A4GALT: variants seen among roughly 807,000 people sequenced by gnomAD.
The protein encoded by A4GALT is lactosylceramide 4-alpha-galactosyltransferase.
For synonymous variants in A4GALT, 257 were observed against 220.7 expected, an observed-to-expected ratio of 1.16 and a Z score of -1.46; for missense variants, 512 against 486.0, an observed-to-expected ratio of 1.05 and a Z score of -0.50.
At chr22:42,709,067 A>ATATATATATATATATATTTTTTT (rs1180529043) in intron 1 of A4GALT, among the ~76,000 whole-genome samples, 5 of 128,830 alleles carry the variant, frequency 3.9e-5, no homozygotes, top group Non-Finnish European at 6.7e-5. Context: ...ATATATATAT[A>ATATATATATATATATATTTTTTT]TTTTTTTTAA....
chr22:42,720,874 T>C (rs1426863996), upstream of A4GALT: 5 of 143,834 alleles, frequency 3.5e-5, no homozygotes, highest in Non-Finnish European at 1.5e-5. Context: ...GGGCAGTGCC[T>C]GGGGCCCGGC....
chr22:42,693,733 G>A lies in A4GALT; in HGVS notation c.219C>T (p.Gly73=). 6.2e-7 allele frequency: 1 copy of A among 1,600,050 alleles called. No homozygotes were observed. Among genetic ancestry groups the A allele is most frequent in the Non-Finnish European group, 8.5e-7 (1 of 1,174,638 alleles). Residue 73 remains glycine (G), a synonymous_variant, in exon 3 of 3, where the codon GGC becomes GGT. Transcript: ENST00000642412. ...GGAAGAAGATGTTGCCTGGAGTGGG[G>A]CCGTGGGAGGGTGGGGTGGGGGGTG... ...TLTPPTPPSH[G]PTPGNIFFLE... is the part of the protein sequence containing the mutation.
At chr22:42,703,252 TG>T (rs1398851909) in intron 1 of A4GALT, among the ~76,000 whole-genome samples, 3 of 115,252 alleles carry the variant, frequency 2.6e-5, no homozygotes, top group Non-Finnish European at 5.4e-5. Context: ...GTTGTTTGTT[TG>T]TTTTTGTTTT....
intron 1 of A4GALT, among the ~76,000 whole-genome samples, chr22:42,700,887 T>C (rs772085678): frequency 6.6e-6 from 1 of 152,188 alleles, no homozygotes; most frequent in Non-Finnish European, 1.5e-5. Flanking sequence ...AAGTCTCTGA[T>C]GGGGCTGGAA....
At position 42,693,016 on chromosome 22, in the gene A4GALT, A is replaced by G. The variant is rs148931002; in HGVS notation, c.936T>C (p.Tyr312=). Residue 312 remains tyrosine, a synonymous_variant, in exon 3 of 3, where the codon TAT becomes TAC. Coordinates refer to ENST00000642412, the MANE Select transcript of A4GALT (RefSeq NM_017436.7). ...EELPRLLSAT[Y]AVHVWNKKSQ... ...TCTTCTTGTTCCACACGTGGACAGC[A>G]TAGGTGGCACTGAGCAGCCGCGGCA... is the stretch of plus-strand genomic sequence containing the variant. The G allele has an allele frequency of 4.5e-5, 72 of 1,613,576 alleles. No homozygotes were observed. Among genetic ancestry groups the G allele is most frequent in the Admixed American group, 4.0e-4 (24 of 60,002 alleles).
rs890474466 is a variant in A4GALT at position 42,698,745 on chromosome 22, G to A, written c.-187-3114C>T. Among the ~76,000 whole-genome samples the A allele has an allele frequency of 3.3e-5, 5 of 152,160 alleles. No homozygotes were observed. In the East Asian group the frequency reaches 7.7e-4, roughly 23 times the overall value. On this transcript the variant is annotated intron_variant, in intron 1 of 2. Coordinates refer to ENST00000642412, the MANE Select transcript of A4GALT (RefSeq NM_017436.7). ...CACCTACTGGGCTGCATTCCCAGAC[G>A]GGTAAGGCATTCTAAGTCACAGGGT...
chr22:42,715,170 T>TCACA (rs1922060826), intron 1 of A4GALT, among the ~76,000 whole-genome samples: 1 of 152,062 alleles, frequency 6.6e-6, no homozygotes, highest in South Asian at 2.1e-4. Context: ...GTGACTTACG[T>TCACA]CTTAGAGATC....
rs544889801 is a variant in A4GALT at position 42,693,163 on chromosome 22, G to A, written c.789C>T (p.Ser263=). The change falls in exon 3 of 3, where the codon TCC becomes TCT. Residue 263 remains serine (S), a synonymous_variant. Coordinates refer to ENST00000642412, the MANE Select transcript of A4GALT (RefSeq NM_017436.7). The part of the protein sequence containing the change: ...LLTRVFKKWC[S]IRSLAESRAC... ...CGCGGCTCTCGGCCAGGCTGCGGATGGAACACCACTTCTTGAAGACCCGCG... is the reference window on the plus strand; with the variant it reads ...CGCGGCTCTCGGCCAGGCTGCGGATAGAACACCACTTCTTGAAGACCCGCG... The A allele has an allele frequency of 1.3e-6, 2 of 1,597,724 alleles. No individual in the cohort carries two copies. Among genetic ancestry groups the A allele is most frequent in the African/African-American group, 2.7e-5 (2 of 74,680 alleles).
intron 1 of A4GALT, among the ~76,000 whole-genome samples, chr22:42,703,106 C>CTGCGTGTGTGTGTGTGTGTGTGTG (rs1920935384): frequency 7.5e-6 from 1 of 134,036 alleles, no homozygotes; most frequent in African/African-American, 3.2e-5. Context: ...TGCTGCCCCA[C>CTGCGTGTGTGTGTGTGTGTGTGTG]TGTGTGTGTG....
chr22:42,711,958 T>C (rs1921735636), intron 1 of A4GALT, among the ~76,000 whole-genome samples: 1 of 152,110 alleles, frequency 6.6e-6, no homozygotes, highest in Non-Finnish European at 1.5e-5. Context: ...GAGTAAATGA[T>C]ACCAGTCCTG....
chr22:42,715,577 G>A (rs73427292), intron 1 of A4GALT, among the ~76,000 whole-genome samples: 2,047 of 152,082 alleles, frequency 0.013, 36 homozygotes, highest in African/African-American at 0.047. Flanking sequence ...AGCAGGGAAT[G>A]GTGGAGGGTG....
chr22:42,693,431 A>T lies in A4GALT; in HGVS notation c.521T>A (p.Leu174His), dbSNP rs1463956330. ...GRWEPYLLPV[L>H]SDASRIALMW... Reference sequence around the variant, plus strand: ...GAGTGCGATCCTGGAGGCGTCGGAGAGCACGGGCAGCAGGTAGGGCTCCCA... The same window carrying T: ...GAGTGCGATCCTGGAGGCGTCGGAGTGCACGGGCAGCAGGTAGGGCTCCCA... Residue 174 changes from leucine (L) to histidine (H), a missense_variant, in exon 3 of 3, where the codon CTC becomes CAC. Transcript: ENST00000642412. 6.2e-7 allele frequency: 1 copy of T among 1,613,192 alleles called. No individual in the cohort carries two copies. The highest frequency in any genetic ancestry group is 2.2e-5 in the East Asian group (1 of 44,860).
intron 1 of A4GALT, among the ~76,000 whole-genome samples, chr22:42,713,541 G>T (rs1474486569): frequency 6.6e-6 from 1 of 152,236 alleles, no homozygotes; most frequent in African/African-American, 2.4e-5. Flanking sequence ...GCCGGGCACA[G>T]TGGCTCACAC....
chr22:42,709,331 C>G, intron 1 of A4GALT, among the ~76,000 whole-genome samples: 1 of 129,068 alleles, frequency 7.7e-6, no homozygotes, highest in Non-Finnish European at 1.6e-5. Flanking sequence ...AGGCACGAGC[C>G]ACTGTGCCAG....
Position 42,692,759 on chromosome 22 carries a change from C to A in A4GALT, c.*131G>T. 1 of 1,076,316 alleles carries A rather than the reference C, an allele frequency of 9.3e-7. No individual in the cohort carries two copies. The highest frequency in any genetic ancestry group is 1.4e-6 in the Non-Finnish European group (1 of 725,406). The allele number at this position is 1,076,316 out of a possible 1,614,324, so 66.7% of individuals were successfully genotyped here. A position where few individuals can be genotyped will look rare whatever the true frequency, so the allele number is the denominator to read the frequency against. ...CCTCCCACTGGGCCTGCTCCCACAGCTCCTCAACAGCCTGCCTAAGCCCGG... is the reference window on the plus strand; with the variant it reads ...CCTCCCACTGGGCCTGCTCCCACAGATCCTCAACAGCCTGCCTAAGCCCGG... On this transcript the variant is annotated 3_prime_UTR_variant, in exon 3 of 3. Coordinates refer to ENST00000642412, the MANE Select transcript of A4GALT (RefSeq NM_017436.7). The surrounding 1 kb of genome is among the most constrained non-coding windows in gnomAD (Gnocchi z 4.6).
chr22:42,693,958 C>G lies in A4GALT; in HGVS notation c.-7G>C. On this transcript the variant is annotated 5_prime_UTR_variant, in exon 3 of 3. Transcript: ENST00000642412. ...GGTCGGGGGGCTTGGACATGGTATCCCCAGATCAGACCAGGAGCTTCCAGC... is the reference window on the plus strand; with the variant it reads ...GGTCGGGGGGCTTGGACATGGTATCGCCAGATCAGACCAGGAGCTTCCAGC... The G allele has an allele frequency of 1.3e-6, 2 of 1,571,686 alleles. No homozygotes were observed. Among genetic ancestry groups the G allele is most frequent in the Non-Finnish European group, 1.7e-6 (2 of 1,159,142 alleles).
At chr22:42,707,568 G>A (rs760638034) in intron 1 of A4GALT, among the ~76,000 whole-genome samples, 4 of 152,074 alleles carry the variant, frequency 2.6e-5, no homozygotes, top group African/African-American at 4.8e-5. Flanking sequence ...TGAGGCACGA[G>A]AATTGCTTGA....
chr22:42,696,312 C>G (rs2146965100), intron 1 of A4GALT, among the ~76,000 whole-genome samples: 1 of 151,126 alleles, frequency 6.6e-6, no homozygotes, highest in African/African-American at 2.4e-5. Context: ...CCCAGCTACT[C>G]AGGAGGCTGA....
chr22:42,700,464 G>C (rs183256360), intron 1 of A4GALT, among the ~76,000 whole-genome samples: 4 of 152,322 alleles, frequency 2.6e-5, no homozygotes, highest in Admixed American at 2.6e-4. Context: ...GGAGAAGCAG[G>C]CCCAGCAGTG....
Sources: allele counts gnomAD v4.1 joint callset (sites outside exome capture counted in the v4.1 genomes callset), GRCh38; gene constraint gnomAD v4.1.1; non-coding constraint Gnocchi (gnomAD v3.1); transcripts MANE v1.5; gene names NCBI Gene and HGNC (gene_info 2026-07-23, HGNC 2026-07-21).